FAM167A: variants seen among roughly 807,000 people sequenced by gnomAD.
FAM167A encodes protein FAM167A.
In FAM167A, 23 loss-of-function variants were observed where a neutral mutation model predicts 14.9. That is an observed-to-expected ratio of 1.55 (90% CI 1.11 to 2.19). The LOEUF (loss-of-function observed/expected upper bound fraction) is 2.19, where lower values mean the gene tolerates loss of function less well. Among genes scored for constraint, FAM167A ranks in the 30% most tolerant of loss-of-function variants. FAM167A has a pLI of 0.00. For missense variants in FAM167A, 401 were observed against 281.5 expected (o/e 1.42, Z -3.04); for synonymous variants, 174 against 117.7 (o/e 1.48, Z -3.10).
At chr8:11,439,967 A>G (rs559721833) in intron 2 of FAM167A, among the ~76,000 whole-genome samples, 3 of 152,114 alleles carry the variant, frequency 2.0e-5, no homozygotes, top group Non-Finnish European at 4.4e-5. Context: ...ACTCAGCTAG[A>G]GAGGAGAGAA....
In FAM167A at chr8:11,421,822, T is replaced by C. The variant is rs937851367; in HGVS notation, c.*2551A>G. The stretch of plus-strand genomic sequence containing the variant: ...AACTGCAAACAGCACTGTACACATG[T>C]GGTGAGCCAGGAGGCTGGGACGGAG... On this transcript the variant is annotated 3_prime_UTR_variant, in exon 3 of 3. Coordinates refer to ENST00000284486, the MANE Select transcript of FAM167A (RefSeq NM_053279.3). 3 of 398,744 alleles carry C rather than the reference T, an allele frequency of 7.5e-6. No homozygotes were observed. The highest frequency in any genetic ancestry group is 8.8e-5 in the Admixed American group (2 of 22,736). The allele number at this position is 398,744 out of a possible 1,614,324, so 24.7% of individuals were successfully genotyped here.
At chr8:11,433,834 C>T (rs1005499363) in intron 2 of FAM167A, 3 of 152,196 alleles carry the variant, frequency 2.0e-5, no homozygotes, top group Non-Finnish European at 2.9e-5. Context: ...CACTGTCCGA[C>T]GATTTGGGAA....
At chr8:11,460,214 G>A (rs115089222) in intron 1 of FAM167A, among the ~76,000 whole-genome samples, 368 of 152,346 alleles carry the variant, frequency 2.4e-3, no homozygotes, top group East Asian at 0.011. Context: ...CTAACACTCC[G>A]GCTTTAGGCA....
At chr8:11,425,771 A>C (rs1474890260) in intron 2 of FAM167A, among the ~76,000 whole-genome samples, 2 of 152,176 alleles carry the variant, frequency 1.3e-5, no homozygotes, top group Admixed American at 1.3e-4. Flanking sequence ...AAGGTAGCAA[A>C]TTCCTGCCTC....
intron 2 of FAM167A, among the ~76,000 whole-genome samples, chr8:11,436,109 C>T (rs1805989240): frequency 6.6e-6 from 1 of 152,236 alleles, no homozygotes; most frequent in Non-Finnish European, 1.5e-5. Flanking sequence ...ACTGTACTGC[C>T]TGTCACACGT....
At chr8:11,461,298 A>T (rs1807527954) in intron 1 of FAM167A, among the ~76,000 whole-genome samples, 1 of 152,218 alleles carries the variant, frequency 6.6e-6, no homozygotes, top group Non-Finnish European at 1.5e-5. Context: ...GGGAGGGGGA[A>T]AGTAGCCATG....
chr8:11,429,923 T>G (rs929854980), intron 2 of FAM167A, among the ~76,000 whole-genome samples: 1 of 152,232 alleles, frequency 6.6e-6, no homozygotes, highest in Non-Finnish European at 1.5e-5. Context: ...GCAGAAAATA[T>G]GAACTACGCT....
chr8:11,440,602 C>CT (rs1330016065), intron 2 of FAM167A, among the ~76,000 whole-genome samples: 3 of 152,230 alleles, frequency 2.0e-5, no homozygotes, highest in African/African-American at 7.2e-5. Context: ...GGGAGAGCTG[C>CT]TAGGTGGTCA....
intron 1 of FAM167A, among the ~76,000 whole-genome samples, chr8:11,447,659 G>A (rs1242385574): frequency 6.6e-6 from 1 of 152,210 alleles, no homozygotes; most frequent in Non-Finnish European, 1.5e-5. Context: ...CTGGTCACAG[G>A]CAGGTGCCAG....
At chr8:11,438,271 G>C (rs1392543456) in intron 2 of FAM167A, 5 of 403,160 alleles carry the variant, frequency 1.2e-5, no homozygotes, top group African/African-American at 2.1e-5. Context: ...AGACAGCCAG[G>C]AAAGGGAGAG....
intron 2 of FAM167A, among the ~76,000 whole-genome samples, chr8:11,443,134 G>A (rs61523733): frequency 6.6e-6 from 1 of 152,196 alleles, no homozygotes; most frequent in Non-Finnish European, 1.5e-5. Flanking sequence ...CAGGGACGGG[G>A]TGGGGCAGGG....
upstream of FAM167A, among the ~76,000 whole-genome samples, chr8:11,469,102 C>T (rs1377743263): frequency 1.3e-5 from 2 of 152,168 alleles, no homozygotes; most frequent in African/African-American, 2.4e-5. Flanking sequence ...AAAATACTAA[C>T]GATTTAACGC....
At chr8:11,446,485 G>T (rs1806789549) in intron 1 of FAM167A, 1 of 152,158 alleles carries the variant, frequency 6.6e-6, no homozygotes, top group African/African-American at 2.4e-5. Context: ...GACTTAGACA[G>T]CAGTGTTCAG....
At chr8:11,446,492 T>A (rs1299518773) in intron 1 of FAM167A, 2 of 152,126 alleles carry the variant, frequency 1.3e-5, no homozygotes, top group Admixed American at 6.5e-5. Context: ...ACAGCAGTGT[T>A]CAGCTCCCCC....
At position 11,422,626 on chromosome 8, in the gene FAM167A, T is replaced by A. The variant is rs1563350805; in HGVS notation, c.*1747A>T. On this transcript the variant is annotated 3_prime_UTR_variant, in exon 3 of 3. Coordinates refer to ENST00000284486, the MANE Select transcript of FAM167A (RefSeq NM_053279.3). ...GCATAGAACTTCTGGCTCTTTGAAA[T>A]TTTAAAAAAGAGACCAAGTTCTTTT... The A allele has an allele frequency of 6.6e-6, 1 of 152,346 alleles. No homozygotes were observed. Among genetic ancestry groups the A allele is most frequent in the Non-Finnish European group, 1.5e-5 (1 of 68,010 alleles). The allele number at this position is 152,346 out of a possible 1,614,324, so 9.4% of individuals were successfully genotyped here.
chr8:11,437,552 T>C (rs889256613), intron 2 of FAM167A, among the ~76,000 whole-genome samples: 2 of 152,194 alleles, frequency 1.3e-5, no homozygotes, highest in South Asian at 4.1e-4. Flanking sequence ...ATTACACATA[T>C]TATGCTTTTT....
intron 1 of FAM167A, chr8:11,474,750 C>T (rs1017352650): frequency 9.9e-5 from 15 of 151,428 alleles, no homozygotes; most frequent in African/African-American, 3.6e-4. Context: ...ACAAATGGCT[C>T]TGTGGGATGA....
chr8:11,429,564 T>C (rs1318030380), intron 2 of FAM167A, among the ~76,000 whole-genome samples: 1 of 152,234 alleles, frequency 6.6e-6, no homozygotes, highest in African/African-American at 2.4e-5. Flanking sequence ...ATGGCAGGTG[T>C]GATTTTAGTC....
intron 1 of FAM167A, among the ~76,000 whole-genome samples, chr8:11,451,710 G>A (rs781726680): frequency 3.0e-4 from 46 of 152,198 alleles, no homozygotes; most frequent in African/African-American, 9.9e-4. Context: ...AATTGGGTGC[G>A]TGTGAGTCTC....
Sources: allele counts gnomAD v4.1 joint callset (sites outside exome capture counted in the v4.1 genomes callset), GRCh38; gene constraint gnomAD v4.1.1; transcripts MANE v1.5; gene names NCBI Gene and HGNC (gene_info 2026-07-23, HGNC 2026-07-21).